The following POU2F1 variants were observed in gnomAD, a reference collection of about 807,000 sequenced individuals.
POU2F1 encodes the protein POU class 2 homeobox 1.
Under a neutral mutation model 84.9 loss-of-function variants are expected in POU2F1, and 16 were observed. The ratio of observed to expected loss-of-function variants is 0.19; its 90% CI spans 0.13 to 0.29. The LOEUF is 0.29. Ranked by LOEUF, POU2F1 falls within the 10% of genes least tolerant of loss-of-function variation. POU2F1 has a pLI of 1.00. For synonymous variants in POU2F1, 368 were observed against 368.3 expected (o/e 1.00, Z 0.01); for missense variants, 738 against 942.6 (o/e 0.78, Z 2.84).
intron 1 of POU2F1, among the ~76,000 whole-genome samples, chr1:167,325,196 C>T (rs1571304117): frequency 6.6e-6 from 1 of 152,080 alleles, no homozygotes; most frequent in African/African-American, 2.4e-5. Context: ...TAATAGGACA[C>T]TAAATTATTG....
At chr1:167,243,690 G>A (rs938482248) in intron 1 of POU2F1, among the ~76,000 whole-genome samples, 1 of 152,074 alleles carries the variant, frequency 6.6e-6, no homozygotes, top group Non-Finnish European at 1.5e-5. Context: ...TGGCTAGGCT[G>A]GTCTCGAACT....
intron 1 of POU2F1, among the ~76,000 whole-genome samples, chr1:167,282,279 G>T (rs1342694948): frequency 6.6e-6 from 1 of 151,802 alleles, no homozygotes; most frequent in Non-Finnish European, 1.5e-5. Flanking sequence ...GAATAGCTGG[G>T]ATTACAGGCG....
chr1:167,402,499 T>C (rs985046362), intron 13 of POU2F1, among the ~76,000 whole-genome samples: 1 of 152,244 alleles, frequency 6.6e-6, no homozygotes, highest in African/African-American at 2.4e-5. Flanking sequence ...TTTTTGCTTA[T>C]GTTAAACAGT....
intron 1 of POU2F1, among the ~76,000 whole-genome samples, chr1:167,248,443 C>T (rs1650495425): frequency 3.9e-5 from 6 of 152,156 alleles, no homozygotes. Flanking sequence ...CCTGGAAGAA[C>T]TCACAGTTCG....
intron 1 of POU2F1, among the ~76,000 whole-genome samples, chr1:167,245,538 C>T (rs377339262): frequency 2.0e-5 from 3 of 151,824 alleles, no homozygotes; most frequent in African/African-American, 7.3e-5. Context: ...CTCAGGCTCC[C>T]GAGTAGCTGG....
intron 7 of POU2F1, 105 bp downstream of exon 7, chr1:167,376,260 GT>G: frequency 8.1e-7 from 1 of 1,235,772 alleles, no homozygotes; most frequent in Non-Finnish European, 1.1e-6. Flanking sequence ...TTAGACCAAT[GT>G]TTTTATTAAA....
At chr1:167,412,370 A>T in intron 14 of POU2F1, 66 bp downstream of exon 14, 1 of 1,349,990 alleles carries the variant, frequency 7.4e-7, no homozygotes. Flanking sequence ...CTCACAGGGG[A>T]GACTTTACAT....
chr1:167,339,539 A>G (rs926538482), intron 2 of POU2F1, among the ~76,000 whole-genome samples: 4 of 152,360 alleles, frequency 2.6e-5, no homozygotes, highest in Admixed American at 2.6e-4. Context: ...TTGGACAAAC[A>G]TTAAAGTTTT....
In POU2F1 at chr1:167,426,176, A is replaced by G. The variant is rs1023036139; in HGVS notation, c.*10366A>G. ...TTAAGTACGATTACCCAGCACTTGC[A>G]TTAGTCTAACCTCAGTAATTCCAAA... On this transcript the variant is annotated 3_prime_UTR_variant, in exon 16 of 16. Coordinates refer to ENST00000367866, the MANE Select transcript of POU2F1 (RefSeq NM_002697.4). 3.9e-5 allele frequency: 6 copies of G among 152,178 alleles called. No individual in the cohort carries two copies. The highest frequency in any genetic ancestry group is 2.0e-4 in the Admixed American group (3 of 15,282). The allele number at this position is 152,178 out of a possible 1,614,324, so 9.4% of individuals were successfully genotyped here. A position where few individuals can be genotyped will look rare whatever the true frequency, so the allele number is the denominator to read the frequency against.
At chr1:167,357,627 C>T (rs1378204894) in intron 2 of POU2F1, 4 of 151,776 alleles carry the variant, frequency 2.6e-5, no homozygotes, top group African/African-American at 7.3e-5. Flanking sequence ...AATCCACCTG[C>T]CTCAGCCTCC....
intron 1 of POU2F1, among the ~76,000 whole-genome samples, chr1:167,236,603 C>T (rs1304950782): frequency 2.6e-5 from 4 of 152,178 alleles, no homozygotes; most frequent in African/African-American, 9.7e-5. Context: ...TCCTTCCCCG[C>T]AGCTAATTCC....
intron 2 of POU2F1, among the ~76,000 whole-genome samples, chr1:167,336,611 TAAATA>T (rs1180669442): frequency 1.3e-5 from 2 of 152,102 alleles, no homozygotes; most frequent in African/African-American, 4.8e-5. Flanking sequence ...CATTTCAAGA[TAAATA>T]AATTAAGTGT....
chr1:167,280,463 C>G (rs986056602), intron 1 of POU2F1, among the ~76,000 whole-genome samples: 1 of 151,400 alleles, frequency 6.6e-6, no homozygotes, highest in African/African-American at 2.4e-5. Context: ...ATGTTAGGCT[C>G]TCAATAAAAC....
intron 1 of POU2F1, among the ~76,000 whole-genome samples, chr1:167,307,317 A>G (rs1219159350): frequency 6.6e-6 from 1 of 152,166 alleles, no homozygotes; most frequent in African/African-American, 2.4e-5. Flanking sequence ...TGTCCATCAG[A>G]ATACTGTTTA....
At chr1:167,365,869 T>C (rs944432221) in intron 3 of POU2F1, among the ~76,000 whole-genome samples, 2 of 152,172 alleles carry the variant, frequency 1.3e-5, no homozygotes, top group African/African-American at 4.8e-5. Flanking sequence ...TGGTAGCAAA[T>C]TATCAAAATC....
intron 7 of POU2F1, among the ~76,000 whole-genome samples, chr1:167,382,908 T>C (rs370547619): frequency 6.6e-6 from 1 of 152,192 alleles, no homozygotes; most frequent in Non-Finnish European, 1.5e-5. Flanking sequence ...ATGGCTAATC[T>C]CTGGCAGGCT....
chr1:167,396,587 T>G (rs895879325), intron 10 of POU2F1, 160 bp downstream of exon 10: 9 of 700,592 alleles, frequency 1.3e-5, no homozygotes, highest in Admixed American at 9.2e-5. Context: ...GTGATATAAA[T>G]CAGAAAGCTG....
At position 167,308,241 on chromosome 1, in the gene POU2F1, A is replaced by G. The variant is rs988788579; in HGVS notation, c.62-24229A>G. Among the ~76,000 whole-genome samples, 3 of 151,580 alleles carry G rather than the reference A, an allele frequency of 2.0e-5. No individual in the cohort carries two copies. In the East Asian group the frequency reaches 5.8e-4, roughly 29 times the overall value. The stretch of plus-strand genomic sequence containing the variant: ...ACCACCACGCCTGGCTAATTTTTCT[A>G]TTTTTAATAGAGACGGGGTTTCATG... On this transcript the variant is annotated intron_variant, in intron 1 of 15. Transcript: ENST00000367866.
rs1648059578 is a variant in POU2F1 at position 167,220,927 on chromosome 1, T to C, written c.30T>C (p.Asp10=). MADGGAASQ[D]ESSAAAAAAA... ...CGGACGGAGGAGCAGCGAGTCAAGA[T>C]GAGAGTTCAGCCGCGGCGGCAGCAG... Residue 10 remains aspartate, a synonymous_variant, in exon 1 of 16, where the codon GAT becomes GAC. Transcript: ENST00000367866. 3.3e-6 allele frequency: 5 copies of C among 1,535,118 alleles called. No individual in the cohort carries two copies. Among genetic ancestry groups the C allele is most frequent in the African/African-American group, 2.7e-5 (2 of 72,958 alleles).
Sources: gnomAD v4.1 joint callset for allele counts (sites outside exome capture counted in the v4.1 genomes callset) on GRCh38, gnomAD v4.1.1 for gene constraint, MANE v1.5 for transcripts, NCBI Gene and HGNC (gene_info 2026-07-23, HGNC 2026-07-21) for gene names.